Variants in PCDHGB4 observed in about 807,000 individuals in gnomAD.
PCDHGB4 encodes the protein protocadherin gamma subfamily B, 4, also known as protocadherin gamma-B4.
PCDHGB4 carries 38 observed loss-of-function variants against 60.5 expected under a neutral mutation model. The ratio of observed to expected loss-of-function variants is 0.63; its 90% CI spans 0.48 to 0.82. PCDHGB4 has a LOEUF of 0.82. Ranked by LOEUF, PCDHGB4 falls within the 40% of genes least tolerant of loss-of-function variation. PCDHGB4 has a pLI of 0.00. For synonymous variants in PCDHGB4, 456 were observed against 509.7 expected, an observed-to-expected ratio of 0.89 and a Z score of 1.42; for missense variants, 1,109 against 1,209.6, an observed-to-expected ratio of 0.92 and a Z score of 1.23.
rs370704204 is a variant in PCDHGB4, at chr5:141,389,625, G to A, written c.1741G>A (p.Glu581Lys). Residue 581 changes from glutamate (E) to lysine (K), a missense_variant, in exon 1 of 4, where the codon GAG becomes AAG. By Grantham distance (56) the Glu-to-Lys change is moderately conservative. Coordinates refer to ENST00000519479, the MANE Select transcript of PCDHGB4 (RefSeq NM_003736.4). ...ALFDMVPHAA[E>K]PGYLVTKVVA... The stretch of plus-strand genomic sequence containing the variant: ...CTTCGATATGGTGCCGCACGCTGCA[G>A]AGCCTGGCTACTTGGTGACCAAGGT... 6 of 1,613,020 alleles carry A rather than the reference G, an allele frequency of 3.7e-6. No individual in the cohort carries two copies. The Admixed American group carries it at 5.0e-5, about 13-fold the overall frequency.
intron 1 of PCDHGB4, among the ~76,000 whole-genome samples, chr5:141,471,744 A>G (rs2099263733): frequency 6.6e-6 from 1 of 152,208 alleles, no homozygotes; most frequent in South Asian, 2.1e-4. Context: ...GAGACATAAC[A>G]TATTTGAGGG....
At chr5:141,405,267 A>G (rs1384687423) in intron 1 of PCDHGB4, 1 of 1,614,154 alleles carries the variant, frequency 6.2e-7, no homozygotes, top group South Asian at 1.1e-5. Context: ...ATCTTCCCCC[A>G]GCCCAACTAT....
chr5:141,496,802 A>G (rs1483438160), intron 2 of PCDHGB4, among the ~76,000 whole-genome samples: 1 of 152,050 alleles, frequency 6.6e-6, no homozygotes, highest in Admixed American at 6.6e-5. Flanking sequence ...ACATTGGGCT[A>G]TAGGAGTGAA....
In PCDHGB4 at chr5:141,433,198, A is replaced by G. The variant is rs373769649; in HGVS notation, c.2397+42917A>G. 11 of 1,581,706 alleles carry G rather than the reference A, an allele frequency of 7.0e-6. No individual in the cohort carries two copies. The African/African-American group carries it at 1.1e-4, about 16-fold the overall frequency. On this transcript the variant is annotated intron_variant, in intron 1 of 3. Coordinates refer to ENST00000519479, the MANE Select transcript of PCDHGB4 (RefSeq NM_003736.4). ...GGTTAATTGAGGTGAGTTTATATCA[A>G]ATCTTCTTTCTTTTTTTTTTTTAAT...
rs373286702 is a variant in PCDHGB4, at chr5:141,421,190, A to T, written c.2397+30909A>T. ...TACATAAGCCGATTCACAACCAACC[A>T]GCTCGAGAAACCGCGGAATATCGGC... On this transcript the variant is annotated intron_variant, in intron 1 of 3. Transcript: ENST00000519479. The T allele has an allele frequency of 4.7e-6, 7 of 1,480,168 alleles. No homozygotes were observed. The South Asian group carries it at 9.4e-5, about 20-fold the overall frequency. 91.7% of individuals were successfully genotyped at this position (1,480,168 alleles called of 1,614,324 possible).
rs768509409 is a variant in PCDHGB4 at position 141,489,236 on chromosome 5, G to C, written c.2398-5571G>C. 1 of 1,531,176 alleles carries C rather than the reference G, an allele frequency of 6.5e-7. No homozygotes were observed. 94.8% of individuals were successfully genotyped at this position (1,531,176 alleles called of 1,614,324 possible). On this transcript the variant is annotated intron_variant, in intron 1 of 3. Transcript: ENST00000519479. The surrounding 1 kb of genome is among the most constrained non-coding windows in gnomAD (Gnocchi z 4.5). The stretch of plus-strand genomic sequence containing the variant: ...ACTTACTCTCCACAAAGGGACTTCT[G>C]GGTCATGGGGCCCAAGACACTCCCA...
Position 141,491,883 on chromosome 5 carries a change from G to T in PCDHGB4, c.2398-2924G>T. On this transcript the variant is annotated intron_variant, in intron 1 of 3. Transcript: ENST00000519479. The surrounding 1 kb of genome is among the most constrained non-coding windows in gnomAD (Gnocchi z 6.9). The stretch of plus-strand genomic sequence containing the variant: ...AAACCAGAGTGGCCGATTAAGGGAT[G>T]GGGCTCCGAGCACCGGGGGTGGTGG... 1 of 1,446,756 alleles carries T rather than the reference G, an allele frequency of 6.9e-7. No individual in the cohort carries two copies. Among genetic ancestry groups the T allele is most frequent in the South Asian group, 1.5e-5 (1 of 67,644 alleles). 89.6% of individuals were successfully genotyped at this position (1,446,756 alleles called of 1,614,324 possible). A position where few individuals can be genotyped will look rare whatever the true frequency, so the allele number is the denominator to read the frequency against.
chr5:141,405,927 A>G (rs138259154), intron 1 of PCDHGB4, among the ~76,000 whole-genome samples: 13 of 152,268 alleles, frequency 8.5e-5, no homozygotes, highest in African/African-American at 2.6e-4. Flanking sequence ...ATTTGCTGAT[A>G]TAACTTTCAT....
intron 1 of PCDHGB4, among the ~76,000 whole-genome samples, chr5:141,454,924 C>T (rs1252057038): frequency 6.7e-6 from 1 of 149,858 alleles, no homozygotes; most frequent in Non-Finnish European, 1.5e-5. Context: ...TCTCCTGCCT[C>T]AGCCTCCCGA....
At chr5:141,395,889 G>A (rs1375818306) in intron 1 of PCDHGB4, 3 of 151,948 alleles carry the variant, frequency 2.0e-5, no homozygotes, top group African/African-American at 4.8e-5. Flanking sequence ...GTGGTCACCT[G>A]GGCTCCATGC....
At chr5:141,423,841 T>A (rs1413277726) in intron 1 of PCDHGB4, 15 of 1,282,014 alleles carry the variant, frequency 1.2e-5, no homozygotes, top group Non-Finnish European at 1.4e-5. Context: ...ATTACGATAA[T>A]CTTTCAGAAC....
intron 1 of PCDHGB4, among the ~76,000 whole-genome samples, chr5:141,482,410 T>G (rs1054330181): frequency 2.3e-4 from 35 of 151,890 alleles, no homozygotes; most frequent in Non-Finnish European, 1.0e-4. Flanking sequence ...AATAACTATT[T>G]GTTGAACTAA....
At position 141,491,682 on chromosome 5, in the gene PCDHGB4, G is replaced by A. The variant is rs11952292; in HGVS notation, c.2398-3125G>A. The A allele has an allele frequency of 1.9e-6, 3 of 1,613,150 alleles. No individual in the cohort carries two copies. Among genetic ancestry groups the A allele is most frequent in the South Asian group, 1.1e-5 (1 of 91,046 alleles). On this transcript the variant is annotated intron_variant, in intron 1 of 3. Coordinates refer to ENST00000519479, the MANE Select transcript of PCDHGB4 (RefSeq NM_003736.4). The surrounding 1 kb of genome is among the most constrained non-coding windows in gnomAD (Gnocchi z 6.9). Reference sequence around the variant, plus strand: ...ACGCCATCCGGTCCCGCTCTAATACGCTGCGGGAGCGGAGCCAGGTGAGGG... The same window carrying A: ...ACGCCATCCGGTCCCGCTCTAATACACTGCGGGAGCGGAGCCAGGTGAGGG...
Position 141,493,689 on chromosome 5 carries a change from C to A in PCDHGB4, c.2398-1118C>A, listed in dbSNP as rs2099749557. The stretch of plus-strand genomic sequence containing the variant: ...GGCAGCCCCAGAATGGTGCTGGTGA[C>A]TCCCGATACACCTGGAATGCTAGGT... On this transcript the variant is annotated intron_variant, in intron 1 of 3. Transcript: ENST00000519479. The surrounding 1 kb of genome is among the most constrained non-coding windows in gnomAD (Gnocchi z 4.3). Among the ~76,000 whole-genome samples the A allele has an allele frequency of 6.6e-6, 1 of 152,218 alleles. No homozygotes were observed. The highest frequency in any genetic ancestry group is 2.4e-5 in the African/African-American group (1 of 41,450).
At chr5:141,488,183 T>C (rs1249953031) in intron 1 of PCDHGB4, among the ~76,000 whole-genome samples, 1 of 152,148 alleles carries the variant, frequency 6.6e-6, no homozygotes, top group Non-Finnish European at 1.5e-5. Flanking sequence ...CATAGATCTT[T>C]TGGTCTGGGT....
intron 3 of PCDHGB4, 62 bp downstream of exon 3, chr5:141,505,543 C>T: frequency 6.2e-7 from 1 of 1,609,636 alleles, no homozygotes; most frequent in Non-Finnish European, 8.5e-7. Flanking sequence ...GTGCATCTCA[C>T]AGCCACCATG....
chr5:141,474,022 A>G (rs929139769), intron 1 of PCDHGB4, among the ~76,000 whole-genome samples: 1 of 152,160 alleles, frequency 6.6e-6, no homozygotes, highest in African/African-American at 2.4e-5. Flanking sequence ...GTGAGCTATG[A>G]TTATTCCACT....
rs1193095881 is a variant in PCDHGB4 at position 141,490,273 on chromosome 5, G to T, written c.2398-4534G>T. On this transcript the variant is annotated intron_variant, in intron 1 of 3. Coordinates refer to ENST00000519479, the MANE Select transcript of PCDHGB4 (RefSeq NM_003736.4). This position sits in a 1 kb window ranked among gnomAD's most constrained non-coding sequence, Gnocchi z 5.4. ...TCAAGTGGATGTGGGGGATGTCAAT[G>T]ACAATGCCCCAGAGGTGCTATTGGC... 6.2e-7 allele frequency: 1 copy of T among 1,614,108 alleles called. No homozygotes were observed. The highest frequency in any genetic ancestry group is 8.5e-7 in the Non-Finnish European group (1 of 1,180,052).
At position 141,419,393 on chromosome 5, in the gene PCDHGB4, G is replaced by A. The variant is rs1226844501; in HGVS notation, c.2397+29112G>A. On this transcript the variant is annotated intron_variant, in intron 1 of 3. Transcript: ENST00000519479. The stretch of plus-strand genomic sequence containing the variant: ...CTACGTGTCCGTGAGCGCGCAGAGC[G>A]GGGTGGTGTTCGCGCAGCGCGCCTT... 6.2e-7 allele frequency: 1 copy of A among 1,613,502 alleles called. No homozygotes were observed. Among genetic ancestry groups the A allele is most frequent in the Non-Finnish European group, 8.5e-7 (1 of 1,179,920 alleles).
Sources: allele counts gnomAD v4.1 joint callset (sites outside exome capture counted in the v4.1 genomes callset), GRCh38; gene constraint gnomAD v4.1.1; non-coding constraint Gnocchi (gnomAD v3.1); transcripts MANE v1.5; gene names NCBI Gene and HGNC (gene_info 2026-07-23, HGNC 2026-07-21).